Variants in MYCBP2 observed in about 807,000 individuals in gnomAD.
MYCBP2 encodes E3 ubiquitin-protein ligase MYCBP2.
In MYCBP2, 120 loss-of-function variants were observed where a neutral mutation model predicts 525.3. The observed-to-expected ratio is 0.23, with a 90% CI of 0.20 to 0.27. The LOEUF is 0.27. Among genes scored for constraint, MYCBP2 ranks in the 10% least tolerant of loss-of-function variants. The pLI is 1.00. For synonymous variants in MYCBP2, 1,894 were observed against 1,955.8 expected, an observed-to-expected ratio of 0.97 and a Z score of 0.83; for missense variants, 4,149 against 5,657.1, an observed-to-expected ratio of 0.73 and a Z score of 8.55.
chr13:77,266,745 T>TAAAAAAAA (rs2074144747), intron 8 of MYCBP2, among the ~76,000 whole-genome samples: 1 of 41,850 alleles, frequency 2.4e-5, no homozygotes, highest in African/African-American at 8.0e-5. Flanking sequence ...GGACTTGTAA[T>TAAAAAAAA]GAAAAAAAAA....
At chr13:77,183,160 G>C (rs1246444067) in intron 32 of MYCBP2, among the ~76,000 whole-genome samples, 1 of 152,064 alleles carries the variant, frequency 6.6e-6, no homozygotes, top group African/African-American at 2.4e-5. Context: ...ATATTTTTAA[G>C]AGCATCTATG....
intron 14 of MYCBP2, 130 bp from the exon 15 acceptor site, chr13:77,251,485 T>A (rs981814557): frequency 2.8e-6 from 2 of 722,326 alleles, no homozygotes; most frequent in Non-Finnish European, 4.5e-6. Flanking sequence ...ATGCTTAAAT[T>A]TGAGTAACAA....
chr13:77,046,685 T>TC (rs769224597), intron 82 of MYCBP2, among the ~76,000 whole-genome samples: 5 of 152,142 alleles, frequency 3.3e-5, no homozygotes, highest in Non-Finnish European at 7.3e-5. Context: ...CATTAGAGTG[T>TC]CAAACTGAAG....
intron 55 of MYCBP2, among the ~76,000 whole-genome samples, chr13:77,112,068 T>G (rs1464692848): frequency 6.6e-6 from 1 of 152,084 alleles, no homozygotes; most frequent in Non-Finnish European, 1.5e-5. Context: ...ATATTTGACA[T>G]ATGTTAGCTT....
chr13:77,319,477 G>A (rs890700768), intron 1 of MYCBP2, among the ~76,000 whole-genome samples: 2 of 152,176 alleles, frequency 1.3e-5, no homozygotes, highest in Non-Finnish European at 2.9e-5. Flanking sequence ...GTTTTGGGTT[G>A]AAGCCTTAGA....
At chr13:77,056,155 TG>T (rs2037997517) in intron 79 of MYCBP2, among the ~76,000 whole-genome samples, 3 of 148,030 alleles carry the variant, frequency 2.0e-5, no homozygotes, top group Non-Finnish European at 3.0e-5. Context: ...TGTGTGTGTG[TG>T]TGTTTTGCTT....
At chr13:77,087,685 A>G in intron 61 of MYCBP2, 52 bp from the exon 62 acceptor site, 1 of 1,482,670 alleles carries the variant, frequency 6.7e-7, no homozygotes, top group Non-Finnish European at 9.2e-7. Flanking sequence ...TGAGTTTAAA[A>G]AGTACTCAGA....
intron 44 of MYCBP2, 76 bp downstream of exon 44, chr13:77,161,830 C>T: frequency 8.7e-7 from 1 of 1,153,790 alleles, no homozygotes; most frequent in Non-Finnish European, 1.3e-6. Context: ...ATGGTCAAGA[C>T]AAATAGGCTG....
intron 62 of MYCBP2, among the ~76,000 whole-genome samples, chr13:77,084,714 C>T (rs958155794): frequency 1.3e-5 from 2 of 152,120 alleles, no homozygotes; most frequent in Admixed American, 6.6e-5. Context: ...AGCTCTGAAG[C>T]TAAGAATCTG....
intron 1 of MYCBP2, among the ~76,000 whole-genome samples, chr13:77,308,306 T>C (rs1050034398): frequency 6.6e-6 from 1 of 152,224 alleles, no homozygotes; most frequent in Non-Finnish European, 1.5e-5. Context: ...AGGGCCTTAC[T>C]CTATTAATTA....
At chr13:77,230,786 G>A (rs756377341) in intron 18 of MYCBP2, among the ~76,000 whole-genome samples, 4 of 152,234 alleles carry the variant, frequency 2.6e-5, no homozygotes, top group Non-Finnish European at 5.9e-5. Context: ...AGAGGGCTGA[G>A]AGGATTGCTT....
Position 77,150,689 on chromosome 13 carries a change from C to T in MYCBP2, c.7131+45G>A, listed in dbSNP as rs114584873. The T allele has an allele frequency of 1.2e-3, 1,827 of 1,540,416 alleles. 28 individuals are homozygous for T. In the African/African-American group the frequency reaches 0.022, roughly 19 times the overall value. On this transcript the variant is annotated intron_variant, in intron 47 of 82. Transcript: ENST00000544440. ...ATCACTGAAATGTTGGTTAAATAAACAAATGCTGAAAACTAAAATTTTTCT... is the reference window on the plus strand; with the variant it reads ...ATCACTGAAATGTTGGTTAAATAAATAAATGCTGAAAACTAAAATTTTTCT...
intron 62 of MYCBP2, among the ~76,000 whole-genome samples, chr13:77,085,470 T>C (rs2044084836): frequency 6.6e-6 from 1 of 152,182 alleles, no homozygotes; most frequent in Admixed American, 6.6e-5. Context: ...GTGTACTTTC[T>C]GATTCTTTTT....
rs150267633 is a variant in MYCBP2 at position 77,158,027 on chromosome 13, T to C, written c.6680A>G (p.Asn2227Ser). 187 of 1,613,680 alleles carry C rather than the reference T, an allele frequency of 1.2e-4. No individual in the cohort carries two copies. In the African/African-American group the frequency reaches 2.3e-3, roughly 20 times the overall value. Residue 2227 changes from asparagine to serine, a missense_variant, in exon 45 of 83, where the codon AAT becomes AGT. Coordinates refer to ENST00000544440, the MANE Select transcript of MYCBP2 (RefSeq NM_015057.5). ...ATTGCTTTGGATTTGGAGTGGTAAA[T>C]TTCCCTCAAGTGCTTCTAATATAGT... ...SPTILEALEG[N>S]LPLQIQSNEQ...
chr13:77,127,353 C>T (rs1466072899), intron 52 of MYCBP2, among the ~76,000 whole-genome samples: 1 of 151,816 alleles, frequency 6.6e-6, no homozygotes, highest in Non-Finnish European at 1.5e-5. Flanking sequence ...AATTGTAATG[C>T]TGTGATAAAA....
intron 26 of MYCBP2, among the ~76,000 whole-genome samples, chr13:77,197,045 A>G (rs1260614213): frequency 6.6e-6 from 1 of 152,196 alleles, no homozygotes; most frequent in Non-Finnish European, 1.5e-5. Flanking sequence ...GTGGGGGACA[A>G]GAGAAGAAAG....
intron 2 of MYCBP2, among the ~76,000 whole-genome samples, chr13:77,295,228 G>A (rs1230159628): frequency 3.9e-5 from 6 of 152,102 alleles, no homozygotes; most frequent in East Asian, 1.9e-4. Flanking sequence ...TGCTCCTCCC[G>A]GGTTCAAGCA....
intron 1 of MYCBP2, among the ~76,000 whole-genome samples, chr13:77,318,481 C>T (rs561333872): frequency 1.2e-4 from 19 of 152,296 alleles, no homozygotes; most frequent in East Asian, 9.6e-4. Context: ...CTGGGCCAGG[C>T]GCAGTGGCTC....
intron 82 of MYCBP2, 82 bp from the exon 83 acceptor site, chr13:77,045,575 A>T (rs1008955079): frequency 2.5e-6 from 2 of 813,786 alleles, no homozygotes; most frequent in Non-Finnish European, 4.0e-6. Flanking sequence ...TAAATCACTG[A>T]TAGGTTATTC....
Sources: gnomAD v4.1 joint callset for allele counts (sites outside exome capture counted in the v4.1 genomes callset) on GRCh38, gnomAD v4.1.1 for gene constraint, MANE v1.5 for transcripts, NCBI Gene and HGNC (gene_info 2026-07-23, HGNC 2026-07-21) for gene names.